Variants in FZR1 observed in about 807,000 individuals in gnomAD.
The protein encoded by FZR1 is fizzy-related protein homolog.
Under a neutral mutation model 63.6 loss-of-function variants are expected in FZR1, and 11 were observed. The ratio of observed to expected loss-of-function variants is 0.17; its 90% CI spans 0.11 to 0.29. The LOEUF (loss-of-function observed/expected upper bound fraction) is 0.29. Among genes scored for constraint, FZR1 ranks in the 10% least tolerant of loss-of-function variants. FZR1 has a pLI of 1.00. For synonymous variants in FZR1, 328 were observed against 297.9 expected, an observed-to-expected ratio of 1.10 and a Z score of -1.04; for missense variants, 440 against 687.5, an observed-to-expected ratio of 0.64 and a Z score of 4.03.
intron 1 of FZR1, among the ~76,000 whole-genome samples, chr19:3,519,249 C>T (rs2083080944): frequency 6.6e-6 from 1 of 152,246 alleles, no homozygotes; most frequent in African/African-American, 2.4e-5. Flanking sequence ...TGCTGCCCTG[C>T]AAGGTGGCCT....
In FZR1 at chr19:3,534,494, G is replaced by C. The variant is rs761201993; in HGVS notation, c.1421G>C (p.Ser474Thr). ...ACCCTGAGGTTCTGGAACGTCTTTA[G>C]CAAAACCCGTTCGACAAAGGTAAAG... ...DETLRFWNVF[S>T]KTRSTKESVS... The change falls in exon 13 of 14, where the codon AGC (serine) becomes ACC (threonine). Residue 474 changes from serine to threonine, a missense_variant. By Grantham distance (58) the Ser-to-Thr change is moderately conservative. Coordinates refer to ENST00000441788, the MANE Select transcript of FZR1 (RefSeq NM_016263.4). 4.4e-6 allele frequency: 7 copies of C among 1,608,582 alleles called. No homozygotes were observed. The highest frequency in any genetic ancestry group is 1.7e-5 in the Admixed American group (1 of 59,566).
rs754791892 is a variant in FZR1 at position 3,526,966 on chromosome 19, C to T, written c.388-14C>T. On this transcript the variant is annotated splice_polypyrimidine_tract_variant and intron_variant, in intron 5 of 13. Transcript: ENST00000441788. This position sits in a 1 kb window ranked among gnomAD's most constrained non-coding sequence, Gnocchi z 5.4. ...CTGGGCGTGCGCTCAGCTGGCATGT[C>T]CCCCGCTCCACAGTATTCCCTTAGC... is the stretch of plus-strand genomic sequence containing the variant. 3.8e-6 allele frequency: 6 copies of T among 1,599,474 alleles called. No homozygotes were observed. The highest frequency in any genetic ancestry group is 2.2e-5 in the South Asian group (2 of 90,862).
rs2083265138 is a variant in FZR1 at position 3,533,177 on chromosome 19, G to GGGCT, written c.1243-109_1243-106dup. On this transcript the variant is annotated intron_variant, in intron 11 of 13. Transcript: ENST00000441788. This position sits in a 1 kb window ranked among gnomAD's most constrained non-coding sequence, Gnocchi z 4.9. Reference sequence around the variant, plus strand: ...CATCCCAGCATCCCCTGCTCCTCCTGGGCTGGCTGGCGGCTCTGAGCTCTC... The same window carrying GGGCT: ...CATCCCAGCATCCCCTGCTCCTCCTGGGCTGGCTGGCTGGCGGCTCTGAGCTCTC... 3 of 706,390 alleles carry GGGCT rather than the reference G, an allele frequency of 4.2e-6. No homozygotes were observed. In the East Asian group the frequency reaches 7.6e-5, roughly 18 times the overall value. The allele number at this position is 706,390 out of a possible 1,614,324, so 43.8% of individuals were successfully genotyped here.
rs2083268714 is a variant in FZR1 at position 3,533,551 on chromosome 19, T to C, written c.1347+153T>C. The C allele has an allele frequency of 3.3e-6, 2 of 608,146 alleles. No homozygotes were observed. The highest frequency in any genetic ancestry group is 5.1e-5 in the Admixed American group (2 of 38,930). The allele number at this position is 608,146 out of a possible 1,614,324, so 37.7% of individuals were successfully genotyped here. ...CAGCAGGGGCCGGCAGGGCATCTGG[T>C]GCTGGTTGTGTTGCCAGCGTTGGAA... On this transcript the variant is annotated intron_variant, in intron 12 of 13. Coordinates refer to ENST00000441788, the MANE Select transcript of FZR1 (RefSeq NM_016263.4). This position sits in a 1 kb window ranked among gnomAD's most constrained non-coding sequence, Gnocchi z 4.9.
Position 3,527,950 on chromosome 19 carries a change from G to GCCACAGC in FZR1, c.654+138_654+139insACAGCCC, listed in dbSNP as rs1055724946. On this transcript the variant is annotated intron_variant, in intron 7 of 13. Transcript: ENST00000441788. ...TGGCCCTCCTAGCTGGGGCCTCCCA[G>GCCACAGC]CCTCCCAGCCACAGCCCTCCCAGCC... The GCCACAGC allele has an allele frequency of 6.1e-5, 36 of 592,754 alleles. No homozygotes were observed. The Admixed American group carries it at 1.1e-3, about 17-fold the overall frequency. 36.7% of individuals were successfully genotyped at this position (592,754 alleles called of 1,614,324 possible).
At position 3,522,881 on chromosome 19, in the gene FZR1, G is replaced by A. The variant is rs371075069; in HGVS notation, c.-34-75G>A. 2.4e-5 allele frequency: 19 copies of A among 781,686 alleles called. 1 individual carries two copies. The highest frequency in any genetic ancestry group is 1.5e-4 in the African/African-American group (9 of 59,448). The allele number at this position is 781,686 out of a possible 1,614,324, so 48.4% of individuals were successfully genotyped here. A position where few individuals can be genotyped will look rare whatever the true frequency, so the allele number is the denominator to read the frequency against. On this transcript the variant is annotated intron_variant, in intron 1 of 13. Transcript: ENST00000441788. ...CAGTCACTCTAGCTCCCAGGGCCTG[G>A]AGGTGCAGGCGAGCCCCGTGGTCTC...
chr19:3,515,281 T>G lies in FZR1; in HGVS notation c.-34-7675T>G, dbSNP rs1358193169. On this transcript the variant is annotated intron_variant, in intron 1 of 13. Coordinates refer to ENST00000441788, the MANE Select transcript of FZR1 (RefSeq NM_016263.4). This position sits in a 1 kb window ranked among gnomAD's most constrained non-coding sequence, Gnocchi z 4.6. ...TTTCCACACGGCCACACACGTTGTC[T>G]GTGCTCAGGAATTACTTAACAGCAG... Among the ~76,000 whole-genome samples, 1 of 152,270 alleles carries G rather than the reference T, an allele frequency of 6.6e-6. No individual in the cohort carries two copies. The highest frequency in any genetic ancestry group is 1.5e-5 in the Non-Finnish European group (1 of 68,046).
intron 1 of FZR1, among the ~76,000 whole-genome samples, chr19:3,513,169 G>C (rs971014770): frequency 1.3e-5 from 2 of 152,064 alleles, no homozygotes; most frequent in Non-Finnish European, 2.9e-5. Context: ...GGACCTGTGA[G>C]GGCTGTTAGC....
intron 7 of FZR1, 133 bp from the exon 8 acceptor site, chr19:3,530,659 T>C (rs948362332): frequency 3.0e-6 from 2 of 660,806 alleles, no homozygotes; most frequent in Non-Finnish European, 2.7e-6. Context: ...GGACTGTGGA[T>C]GGGAGAGTGG....
chr19:3,526,900 C>G lies in FZR1; in HGVS notation c.388-80C>G. On this transcript the variant is annotated intron_variant, in intron 5 of 13. Coordinates refer to ENST00000441788, the MANE Select transcript of FZR1 (RefSeq NM_016263.4). The surrounding 1 kb of genome is among the most constrained non-coding windows in gnomAD (Gnocchi z 5.4). ...CCTGCCTTAGGGCTATGAGCTGTAC[C>G]GGGAGCGTGGGCTGCTGGGGGGCTC... 1 of 964,060 alleles carries G rather than the reference C, an allele frequency of 1.0e-6. No individual in the cohort carries two copies. Among genetic ancestry groups the G allele is most frequent in the Non-Finnish European group, 1.7e-6 (1 of 604,246 alleles). The allele number at this position is 964,060 out of a possible 1,614,324, so 59.7% of individuals were successfully genotyped here.
chr19:3,519,878 G>T (rs986818011), intron 1 of FZR1, among the ~76,000 whole-genome samples: 1 of 152,062 alleles, frequency 6.6e-6, no homozygotes, highest in Non-Finnish European at 1.5e-5. Flanking sequence ...GTCCCGGGGG[G>T]CCCCACACCC....
In FZR1 at chr19:3,514,946, T is replaced by C. The variant is rs942933889; in HGVS notation, c.-34-8010T>C. 6.6e-6 allele frequency among the ~76,000 whole-genome samples: 1 copy of C among 151,672 alleles called. No homozygotes were observed. The highest frequency in any genetic ancestry group is 2.4e-5 in the African/African-American group (1 of 41,248). On this transcript the variant is annotated intron_variant, in intron 1 of 13. Transcript: ENST00000441788. This position sits in a 1 kb window ranked among gnomAD's most constrained non-coding sequence, Gnocchi z 4.2. ...GCTCTTCATTCTGGGGCCCAGGGGG[T>C]GAAAGGTGGACCTTCCCTATGAGCT...
chr19:3,526,939 G>A lies in FZR1; in HGVS notation c.388-41G>A. ...GCTGGGGGGCTCTGAGGGTCCTGCG[G>A]CCTGGGCGTGCGCTCAGCTGGCATG... On this transcript the variant is annotated intron_variant, in intron 5 of 13. Transcript: ENST00000441788. This position sits in a 1 kb window ranked among gnomAD's most constrained non-coding sequence, Gnocchi z 5.4. The A allele has an allele frequency of 1.4e-6, 2 of 1,445,594 alleles. No individual in the cohort carries two copies. Among genetic ancestry groups the A allele is most frequent in the Non-Finnish European group, 1.9e-6 (2 of 1,032,194 alleles). 89.5% of individuals were successfully genotyped at this position (1,445,594 alleles called of 1,614,324 possible).
At position 3,529,893 on chromosome 19, in the gene FZR1, TGGGAGAGTGGTTGAGG is replaced by T. The variant is rs2083220916; in HGVS notation, c.655-897_655-882del. ...GTGGGTGAGCGGGTGGGAGAGCGGA[TGGGAGAGTGGTTGAGG>T]GAGCGGATGGGTGAGCGGATGGGAG... On this transcript the variant is annotated intron_variant, in intron 7 of 13. Transcript: ENST00000441788. Among the ~76,000 whole-genome samples, 785 of 78,526 alleles carry T rather than the reference TGGGAGAGTGGTTGAGG, an allele frequency of 1.0e-2. 55 individuals carry two copies. Among genetic ancestry groups the T allele is most frequent in the Non-Finnish European group, 0.017 (613 of 36,132 alleles). 51.5% of individuals were successfully genotyped at this position (78,526 alleles called of 152,430 possible). A position where few individuals can be genotyped will look rare whatever the true frequency, so the allele number is the denominator to read the frequency against.
intron 2 of FZR1, among the ~76,000 whole-genome samples, chr19:3,523,930 G>A (rs748364784): frequency 4.9e-4 from 74 of 152,212 alleles, no homozygotes; most frequent in African/African-American, 8.7e-4. Flanking sequence ...CACCACAGCC[G>A]CCTTCTCCCC....
chr19:3,534,311 C>G (rs2083275961), intron 12 of FZR1, 110 bp from the exon 13 acceptor site: 1 of 589,328 alleles, frequency 1.7e-6, no homozygotes. Flanking sequence ...GCTCCAGAGT[C>G]TGGGGGGCCC....
chr19:3,518,211 A>G (rs570811782), intron 1 of FZR1, among the ~76,000 whole-genome samples: 136 of 151,898 alleles, frequency 9.0e-4, no homozygotes, highest in Non-Finnish European at 1.6e-3. Context: ...ACGAGGTTTC[A>G]CCATGTTGGC....
In FZR1 at chr19:3,530,386, AGATGGGTGAGCG is replaced by A. The variant is rs1485375052; in HGVS notation, c.655-399_655-388del. On this transcript the variant is annotated intron_variant, in intron 7 of 13. Coordinates refer to ENST00000441788, the MANE Select transcript of FZR1 (RefSeq NM_016263.4). ...CGGATGGGAGAGCGGATGGGTGAGC[AGATGGGTGAGCG>A]GATGGGAGAGCGCATGGGAGAGCGC... Among the ~76,000 whole-genome samples the A allele has an allele frequency of 4.2e-4, 33 of 79,236 alleles. 2 individuals carry two copies. Among genetic ancestry groups the A allele is most frequent in the African/African-American group, 8.2e-4 (14 of 17,070 alleles). 52.0% of individuals were successfully genotyped at this position (79,236 alleles called of 152,430 possible).
rs1393089786 is a variant in FZR1, at chr19:3,525,677, C to T, written c.70-191C>T. On this transcript the variant is annotated intron_variant, in intron 2 of 13. Transcript: ENST00000441788. This position sits in a 1 kb window ranked among gnomAD's most constrained non-coding sequence, Gnocchi z 4.2. The stretch of plus-strand genomic sequence containing the variant: ...CAGGATGGTCTTGATCTCCTGACCT[C>T]GTGATCCGCCCGCCTCGGCCTCCCA... Among the ~76,000 whole-genome samples, 6 of 152,128 alleles carry T rather than the reference C, an allele frequency of 3.9e-5. No homozygotes were observed. In the South Asian group the frequency reaches 6.2e-4, roughly 16 times the overall value.
Sources: gnomAD v4.1 joint callset for allele counts (sites outside exome capture counted in the v4.1 genomes callset) on GRCh38, gnomAD v4.1.1 for gene constraint, Gnocchi (gnomAD v3.1) non-coding constraint, MANE v1.5 for transcripts, NCBI Gene and HGNC (gene_info 2026-07-23, HGNC 2026-07-21) for gene names.